The following CRB1 variants were observed in gnomAD, a reference collection of about 807,000 sequenced individuals.
CRB1 encodes crumbs cell polarity complex component 1.
In CRB1, 83 loss-of-function variants were observed where a neutral mutation model predicts 120.0. The ratio of observed to expected loss-of-function variants is 0.69; its 90% CI spans 0.58 to 0.83. The LOEUF is 0.83. CRB1 is among the 40% of genes least tolerant of loss of function. The pLI is 0.00. For synonymous variants in CRB1, 625 were observed against 612.5 expected (o/e 1.02, Z -0.30); for missense variants, 1,699 against 1,687.6 (o/e 1.01, Z -0.12).
chr1:197,435,723 C>G lies in CRB1; in HGVS notation c.3749+111C>G, dbSNP rs981408770. Reference sequence around the variant, plus strand: ...AGGTATACATATATACTGTGCTGAACAGGGTGACACTGGTAGCTTCTGTCA... The same window carrying G: ...AGGTATACATATATACTGTGCTGAAGAGGGTGACACTGGTAGCTTCTGTCA... On this transcript the variant is annotated intron_variant, in intron 9 of 11. Coordinates refer to ENST00000367400, the MANE Select transcript of CRB1 (RefSeq NM_201253.3). The G allele has an allele frequency of 2.5e-5, 23 of 926,776 alleles. No individual in the cohort carries two copies. In the African/African-American group the frequency reaches 3.4e-4, roughly 14 times the overall value. 57.4% of individuals were successfully genotyped at this position (926,776 alleles called of 1,614,324 possible). A position where few individuals can be genotyped will look rare whatever the true frequency, so the allele number is the denominator to read the frequency against.
At chr1:197,385,258 C>T (rs182519962) in intron 5 of CRB1, among the ~76,000 whole-genome samples, 2 of 152,216 alleles carry the variant, frequency 1.3e-5, no homozygotes, top group Admixed American at 1.3e-4. Flanking sequence ...TACTGATTCT[C>T]AAATTGTATT....
chr1:197,238,187 G>T, the CRB1 span, among the ~76,000 whole-genome samples: 1 of 151,950 alleles, frequency 6.6e-6, no homozygotes. Flanking sequence ...TTTATAGTTT[G>T]ATTTTATTGT....
chr1:197,348,902 G>A (rs182851840), intron 4 of CRB1, among the ~76,000 whole-genome samples: 21 of 133,630 alleles, frequency 1.6e-4, no homozygotes, highest in Non-Finnish European at 2.6e-4. Flanking sequence ...ACTAAGGTTA[G>A]TTTTTAAGAC....
intron 1 of CRB1, among the ~76,000 whole-genome samples, chr1:197,316,473 G>A (rs1571826110): frequency 6.6e-6 from 1 of 152,116 alleles, no homozygotes; most frequent in Admixed American, 6.6e-5. Flanking sequence ...GTGAGCCACC[G>A]CGCCCGTCCC....
chr1:197,405,049 T>A (rs1663272728), intron 5 of CRB1, among the ~76,000 whole-genome samples: 1 of 150,820 alleles, frequency 6.6e-6, no homozygotes, highest in South Asian at 2.1e-4. Context: ...GCCCTCGCCC[T>A]CTCCCTCTCC....
At chr1:197,288,783 A>T (rs72740516) in intron 1 of CRB1, among the ~76,000 whole-genome samples, 3 of 151,686 alleles carry the variant, frequency 2.0e-5, no homozygotes, top group Admixed American at 2.0e-4. Context: ...AAAATTAAAC[A>T]TAAAGAGAAA....
At chr1:197,261,873 AGG>A in the CRB1 span, among the ~76,000 whole-genome samples, 5 of 152,220 alleles carry the variant, frequency 3.3e-5, no homozygotes, top group Non-Finnish European at 7.4e-5. Flanking sequence ...ATTGTCAAAT[AGG>A]GTTAATTTAA....
the CRB1 span, among the ~76,000 whole-genome samples, chr1:197,215,622 G>C: frequency 6.6e-6 from 1 of 152,156 alleles, no homozygotes; most frequent in African/African-American, 2.4e-5. Flanking sequence ...CTGTTTTCCT[G>C]ATAGTGAATG....
intron 1 of CRB1, among the ~76,000 whole-genome samples, chr1:197,281,712 A>G (rs1655531429): frequency 6.6e-6 from 1 of 151,898 alleles, no homozygotes; most frequent in Admixed American, 6.6e-5. Context: ...TTATTGTTTA[A>G]TGAGAAATGG....
chr1:197,319,935 TC>T (rs1220157927), intron 1 of CRB1, among the ~76,000 whole-genome samples: 1 of 152,214 alleles, frequency 6.6e-6, no homozygotes, highest in East Asian at 1.9e-4. Context: ...ACCCCTTTTA[TC>T]CCACAAAATT....
intron 7 of CRB1, chr1:197,429,042 GT>G: frequency 6.7e-7 from 1 of 1,497,728 alleles, no homozygotes; most frequent in Admixed American, 2.0e-5. Context: ...AAGTTTCACT[GT>G]TTCGCTTCTG....
intron 1 of CRB1, among the ~76,000 whole-genome samples, chr1:197,294,760 C>T (rs1317803459): frequency 6.6e-6 from 1 of 152,080 alleles, no homozygotes; most frequent in Non-Finnish European, 1.5e-5. Context: ...TTTGTAGGGA[C>T]ATGGATGAAG....
intron 5 of CRB1, among the ~76,000 whole-genome samples, chr1:197,405,981 G>A (rs1008731297): frequency 1.5e-4 from 22 of 149,664 alleles, no homozygotes; most frequent in East Asian, 8.4e-4. Flanking sequence ...CCGGCCAGCC[G>A]CCCCGTCCGG....
intron 11 of CRB1, among the ~76,000 whole-genome samples, chr1:197,474,869 C>T (rs1475652536): frequency 6.6e-6 from 1 of 152,136 alleles, no homozygotes; most frequent in Non-Finnish European, 1.5e-5. Context: ...TTGGATAGTA[C>T]TAAGGTGTTT....
At chr1:197,232,622 TA>T in the CRB1 span, among the ~76,000 whole-genome samples, 2 of 152,166 alleles carry the variant, frequency 1.3e-5, no homozygotes, top group Non-Finnish European at 2.9e-5. Context: ...TTGCTTTAGT[TA>T]AAAATTCATG....
intron 1 of CRB1, among the ~76,000 whole-genome samples, chr1:197,281,874 G>A (rs925367938): frequency 6.6e-6 from 1 of 151,578 alleles, no homozygotes; most frequent in Non-Finnish European, 1.5e-5. Flanking sequence ...AAATATTGGA[G>A]GGACTTTCAG....
chr1:197,392,091 G>A (rs1662535577), intron 5 of CRB1, among the ~76,000 whole-genome samples: 1 of 152,064 alleles, frequency 6.6e-6, no homozygotes, highest in African/African-American at 2.4e-5. Context: ...AGGGAAAAGG[G>A]GAACTCAAGC....
intron 5 of CRB1, among the ~76,000 whole-genome samples, chr1:197,402,518 T>C (rs1321994460): frequency 6.6e-6 from 1 of 152,204 alleles, no homozygotes; most frequent in African/African-American, 2.4e-5. Context: ...TAAAAGATAG[T>C]CATCCATTTT....
At chr1:197,250,752 T>C in the CRB1 span, among the ~76,000 whole-genome samples, 31 of 152,148 alleles carry the variant, frequency 2.0e-4, no homozygotes, top group African/African-American at 7.5e-4. Context: ...CGTGTGGCTC[T>C]GTCTGACATC....
Sources: gnomAD v4.1 joint callset for allele counts (sites outside exome capture counted in the v4.1 genomes callset) on GRCh38, gnomAD v4.1.1 for gene constraint, MANE v1.5 for transcripts, NCBI Gene and HGNC (gene_info 2026-07-23, HGNC 2026-07-21) for gene names.